PPP3CA: variants seen among roughly 807,000 people sequenced by gnomAD.
PPP3CA encodes protein phosphatase 3 catalytic subunit alpha, also known as CAM-PRP catalytic subunit.
PPP3CA carries 14 observed loss-of-function variants against 66.5 expected under a neutral mutation model. The ratio of observed to expected loss-of-function variants is 0.21; its 90% CI spans 0.14 to 0.33. The LOEUF (loss-of-function observed/expected upper bound fraction) is 0.33. Ranked by LOEUF, PPP3CA falls within the 10% of genes least tolerant of loss-of-function variation. PPP3CA has a pLI of 1.00. For missense variants in PPP3CA, 317 were observed against 639.5 expected, an observed-to-expected ratio of 0.50 and a Z score of 5.44; for synonymous variants, 232 against 226.2, an observed-to-expected ratio of 1.03 and a Z score of -0.23.
chr4:101,100,157 A>T (rs1395388949), intron 3 of PPP3CA, among the ~76,000 whole-genome samples: 1 of 152,124 alleles, frequency 6.6e-6, no homozygotes, highest in African/African-American at 2.4e-5. Context: ...AAATAGATAC[A>T]TAAATCAAAA....
chr4:101,333,128 A>G (rs1274366311), intron 1 of PPP3CA, among the ~76,000 whole-genome samples: 3 of 137,314 alleles, frequency 2.2e-5, no homozygotes, highest in Non-Finnish European at 4.6e-5. Flanking sequence ...TTTTTGAGGC[A>G]GAGTCTCATA....
chr4:101,068,242 CA>C (rs1728765106), intron 8 of PPP3CA, among the ~76,000 whole-genome samples: 2 of 152,120 alleles, frequency 1.3e-5, no homozygotes, highest in Non-Finnish European at 2.9e-5. Flanking sequence ...CCAGAAATAG[CA>C]AAAGCACAAA....
chr4:101,259,259 G>A (rs143957308), intron 1 of PPP3CA, among the ~76,000 whole-genome samples: 102 of 152,172 alleles, frequency 6.7e-4, no homozygotes, highest in African/African-American at 2.3e-3. Flanking sequence ...TGAACCCAGC[G>A]GATAGGAATC....
intron 8 of PPP3CA, among the ~76,000 whole-genome samples, chr4:101,064,004 T>C (rs932657976): frequency 6.6e-6 from 1 of 151,982 alleles, no homozygotes; most frequent in Non-Finnish European, 1.5e-5. Context: ...TTCCAGCTAT[T>C]TGAAATTATA....
At chr4:101,047,387 T>C (rs550366681) in intron 10 of PPP3CA, among the ~76,000 whole-genome samples, 1 of 152,258 alleles carries the variant, frequency 6.6e-6, no homozygotes, top group African/African-American at 2.4e-5. Context: ...GTTTAAATAG[T>C]TGTAAATAAT....
At chr4:101,102,266 AAGGG>A (rs1177091874) in intron 3 of PPP3CA, among the ~76,000 whole-genome samples, 2 of 146,886 alleles carry the variant, frequency 1.4e-5, no homozygotes, top group Non-Finnish European at 3.0e-5. Context: ...GGAAGGAAGG[AAGGG>A]AGGGAGGAAG....
intron 1 of PPP3CA, among the ~76,000 whole-genome samples, chr4:101,281,797 T>C (rs115835705): frequency 0.011 from 1,635 of 152,274 alleles, 27 homozygotes; most frequent in African/African-American, 0.038. Flanking sequence ...TTTTATATAG[T>C]GAAAAAAGCA....
At chr4:101,293,431 G>A (rs894756297) in intron 1 of PPP3CA, among the ~76,000 whole-genome samples, 1 of 152,180 alleles carries the variant, frequency 6.6e-6, no homozygotes, top group African/African-American at 2.4e-5. Context: ...CCATGGCTGT[G>A]TCCTTGTAAG....
intron 1 of PPP3CA, among the ~76,000 whole-genome samples, chr4:101,261,395 G>T (rs1332030790): frequency 6.6e-6 from 1 of 151,938 alleles, no homozygotes; most frequent in South Asian, 2.1e-4. Flanking sequence ...CCTTAAATCT[G>T]GAGCAAAAAT....
intron 1 of PPP3CA, among the ~76,000 whole-genome samples, chr4:101,289,015 A>G (rs1040639613): frequency 3.9e-5 from 6 of 151,964 alleles, no homozygotes; most frequent in African/African-American, 1.5e-4. Flanking sequence ...GCGTAGGAGG[A>G]AAAAAACAAG....
At chr4:101,051,283 T>C (rs1727997349) in intron 10 of PPP3CA, among the ~76,000 whole-genome samples, 1 of 152,120 alleles carries the variant, frequency 6.6e-6, no homozygotes, top group East Asian at 1.9e-4. Flanking sequence ...GGACATTTAT[T>C]GAACTTTTAA....
At chr4:101,239,013 A>C (rs1272198872) in intron 1 of PPP3CA, among the ~76,000 whole-genome samples, 2 of 152,184 alleles carry the variant, frequency 1.3e-5, no homozygotes, top group Admixed American at 1.3e-4. Context: ...AATTTCCTCC[A>C]TCTACAAACA....
chr4:101,028,307 ATT>A (rs1356435661), intron 13 of PPP3CA, among the ~76,000 whole-genome samples: 1 of 152,216 alleles, frequency 6.6e-6, no homozygotes, highest in Non-Finnish European at 1.5e-5. Flanking sequence ...ATTAAAAACT[ATT>A]TTGATATGCA....
intron 2 of PPP3CA, among the ~76,000 whole-genome samples, chr4:101,185,381 G>A (rs6838341): frequency 0.035 from 5,337 of 152,196 alleles, 317 homozygotes; most frequent in African/African-American, 0.12. Flanking sequence ...GCATTAGAAG[G>A]ATTTCAAGAT....
intron 1 of PPP3CA, among the ~76,000 whole-genome samples, chr4:101,303,189 T>C (rs1289343715): frequency 6.6e-6 from 1 of 152,198 alleles, no homozygotes; most frequent in African/African-American, 2.4e-5. Context: ...TAATTCTGAC[T>C]CATTTCAAAA....
At chr4:101,224,244 T>C (rs899530038) in intron 1 of PPP3CA, among the ~76,000 whole-genome samples, 2 of 151,790 alleles carry the variant, frequency 1.3e-5, no homozygotes, top group African/African-American at 2.4e-5. Flanking sequence ...ACTCTAATTA[T>C]ATGTCTTTAC....
intron 1 of PPP3CA, among the ~76,000 whole-genome samples, chr4:101,309,471 A>T (rs1167207028): frequency 6.6e-6 from 1 of 152,008 alleles, no homozygotes; most frequent in Non-Finnish European, 1.5e-5. Flanking sequence ...GAAACTAAAA[A>T]GCAAAGCGGG....
At chr4:101,076,632 AG>A (rs1221110713) in intron 8 of PPP3CA, among the ~76,000 whole-genome samples, 1 of 152,184 alleles carries the variant, frequency 6.6e-6, no homozygotes, top group Non-Finnish European at 1.5e-5. Context: ...CAGGTGAAAA[AG>A]TGGAGAAACA....
chr4:101,094,528 T>C (rs1681782863), intron 5 of PPP3CA, among the ~76,000 whole-genome samples: 2 of 152,224 alleles, frequency 1.3e-5, no homozygotes, highest in Admixed American at 6.5e-5. Context: ...AGGTTTCTAA[T>C]GATAAACTAC....
Sources: allele counts gnomAD v4.1 joint callset (sites outside exome capture counted in the v4.1 genomes callset), GRCh38; gene constraint gnomAD v4.1.1; transcripts MANE v1.5; gene names NCBI Gene and HGNC (gene_info 2026-07-23, HGNC 2026-07-21).